Variants in CNTNAP2 observed in about 807,000 individuals in gnomAD.
The protein encoded by CNTNAP2 is contactin associated protein 2.
In CNTNAP2, 98 loss-of-function variants were observed where a neutral mutation model predicts 155.2. That is an observed-to-expected ratio of 0.63 (90% CI 0.54 to 0.75). CNTNAP2 has a LOEUF of 0.75. Among genes scored for constraint, CNTNAP2 ranks in the 30% least tolerant of loss-of-function variants. CNTNAP2 has a pLI of 0.00. For missense variants in CNTNAP2, 1,727 were observed against 1,688.1 expected, an observed-to-expected ratio of 1.02 and a Z score of -0.40; for synonymous variants, 651 against 631.2, an observed-to-expected ratio of 1.03 and a Z score of -0.47.
chr7:148,054,680 A>G (rs1802975458), intron 15 of CNTNAP2, among the ~76,000 whole-genome samples: 1 of 151,958 alleles, frequency 6.6e-6, no homozygotes, highest in African/African-American at 2.4e-5. Flanking sequence ...ATGGTCAATA[A>G]GATCTATAGT....
intron 1 of CNTNAP2, among the ~76,000 whole-genome samples, chr7:146,482,098 G>C (rs1223913881): frequency 6.7e-6 from 1 of 150,082 alleles, no homozygotes; most frequent in African/African-American, 2.4e-5. Flanking sequence ...AATTGAGTTA[G>C]TCAAAGCAAC....
chr7:147,381,042 G>C (rs1043753483), intron 9 of CNTNAP2, among the ~76,000 whole-genome samples: 1 of 151,806 alleles, frequency 6.6e-6, no homozygotes, highest in Non-Finnish European at 1.5e-5. Flanking sequence ...ATTTTTAAAC[G>C]TGAGAAACTT....
intron 11 of CNTNAP2, among the ~76,000 whole-genome samples, chr7:147,533,133 A>G (rs1420139626): frequency 1.3e-5 from 2 of 152,208 alleles, no homozygotes; most frequent in Non-Finnish European, 2.9e-5. Context: ...TATAATGACA[A>G]AGCTATAGCT....
chr7:148,008,642 G>A (rs73466137), intron 15 of CNTNAP2, among the ~76,000 whole-genome samples: 10,093 of 152,206 alleles, frequency 0.066, 766 homozygotes, highest in African/African-American at 0.19. Context: ...CACTTCCTGT[G>A]AGACAGCTTC....
intron 15 of CNTNAP2, among the ~76,000 whole-genome samples, chr7:148,012,513 G>A (rs58092267): frequency 3.3e-5 from 5 of 152,158 alleles, no homozygotes; most frequent in Admixed American, 6.5e-5. Flanking sequence ...TAACAATACT[G>A]TATGGTGCTC....
At chr7:146,375,897 G>A (rs903125387) in intron 1 of CNTNAP2, among the ~76,000 whole-genome samples, 3 of 152,200 alleles carry the variant, frequency 2.0e-5, no homozygotes, top group East Asian at 3.9e-4. Flanking sequence ...TGCCAGATAC[G>A]TGGGAAAATC....
At chr7:147,839,708 CT>C (rs1307496040) in intron 13 of CNTNAP2, among the ~76,000 whole-genome samples, 1 of 152,100 alleles carries the variant, frequency 6.6e-6, no homozygotes, top group Non-Finnish European at 1.5e-5. Context: ...GAAAACAGAA[CT>C]GCAGTTTGAT....
intron 13 of CNTNAP2, among the ~76,000 whole-genome samples, chr7:147,739,064 T>C (rs1584930741): frequency 1.3e-5 from 2 of 152,088 alleles, no homozygotes; most frequent in African/African-American, 4.8e-5. Flanking sequence ...CTCCAAGATA[T>C]GCCTGTACCT....
intron 6 of CNTNAP2, among the ~76,000 whole-genome samples, chr7:147,126,241 C>A (rs951402842): frequency 3.9e-5 from 6 of 152,106 alleles, no homozygotes; most frequent in Non-Finnish European, 4.4e-5. Context: ...ATCCAATAGT[C>A]CCTGCGACAT....
At chr7:148,396,336 G>A (rs1799467740) in intron 22 of CNTNAP2, among the ~76,000 whole-genome samples, 1 of 152,076 alleles carries the variant, frequency 6.6e-6, no homozygotes, top group Non-Finnish European at 1.5e-5. Context: ...GCTTCCTACT[G>A]TACCGCATTT....
At chr7:148,225,529 G>A (rs1482222981) in intron 19 of CNTNAP2, among the ~76,000 whole-genome samples, 1 of 152,106 alleles carries the variant, frequency 6.6e-6, no homozygotes, top group African/African-American at 2.4e-5. Flanking sequence ...GATCATATGG[G>A]GCCTGGTGAG....
intron 11 of CNTNAP2, among the ~76,000 whole-genome samples, chr7:147,506,994 T>A (rs7796301): frequency 0.48 from 73,423 of 151,956 alleles, 18,190 homozygotes; most frequent in African/African-American, 0.58. Context: ...ATTTACCTTG[T>A]AAGTTGTTTT....
At chr7:147,410,089 A>G (rs1429010436) in intron 10 of CNTNAP2, among the ~76,000 whole-genome samples, 1 of 152,236 alleles carries the variant, frequency 6.6e-6, no homozygotes, top group African/African-American at 2.4e-5. Context: ...TCTATTAGAA[A>G]GACAATCCAT....
rs1033167153 is a variant in CNTNAP2, at chr7:147,180,785, C to T, written c.1348+48276C>T. Among the ~76,000 whole-genome samples, 4 of 151,874 alleles carry T rather than the reference C, an allele frequency of 2.6e-5. No homozygotes were observed. In the South Asian group the frequency reaches 8.3e-4, roughly 32 times the overall value. ...TTGTACGCTGTACTGATTGAAATGA[C>T]AATCAAATTAGTGGAATAAAAATGG... On this transcript the variant is annotated intron_variant, in intron 8 of 23. Coordinates refer to ENST00000361727, the MANE Select transcript of CNTNAP2 (RefSeq NM_014141.6).
intron 8 of CNTNAP2, among the ~76,000 whole-genome samples, chr7:147,287,103 G>C (rs1805197255): frequency 6.6e-6 from 1 of 152,100 alleles, no homozygotes; most frequent in South Asian, 2.1e-4. Context: ...CAGTGGCGGA[G>C]ACTACGCTCA....
intron 11 of CNTNAP2, among the ~76,000 whole-genome samples, chr7:147,535,722 A>T (rs979228240): frequency 6.6e-6 from 1 of 152,130 alleles, no homozygotes; most frequent in Non-Finnish European, 1.5e-5. Context: ...CCAAGCTTCC[A>T]TCTGTGAGTG....
At chr7:146,282,428 T>C (rs1193297405) in intron 1 of CNTNAP2, among the ~76,000 whole-genome samples, 2 of 152,228 alleles carry the variant, frequency 1.3e-5, no homozygotes, top group Non-Finnish European at 2.9e-5. Context: ...GCAGAGACTT[T>C]CCAAACCTGC....
At chr7:147,588,912 C>G (rs1800686190) in intron 12 of CNTNAP2, among the ~76,000 whole-genome samples, 1 of 152,140 alleles carries the variant, frequency 6.6e-6, no homozygotes, top group African/African-American at 2.4e-5. Flanking sequence ...GAAAAGAATG[C>G]AGCAACTAGC....
intron 4 of CNTNAP2, among the ~76,000 whole-genome samples, chr7:147,051,225 T>C (rs932862581): frequency 1.3e-5 from 2 of 149,482 alleles, no homozygotes; most frequent in Non-Finnish European, 3.0e-5. Context: ...AATTTATGTT[T>C]ACATCAGTTT....
Sources: gnomAD v4.1 joint callset for allele counts (sites outside exome capture counted in the v4.1 genomes callset) on GRCh38, gnomAD v4.1.1 for gene constraint, MANE v1.5 for transcripts, NCBI Gene and HGNC (gene_info 2026-07-23, HGNC 2026-07-21) for gene names.